Variants in TBC1D22A observed in about 807,000 individuals in gnomAD.
TBC1D22A encodes the protein putative GTPase activator.
TBC1D22A carries 38 observed loss-of-function variants against 60.2 expected under a neutral mutation model. The ratio of observed to expected loss-of-function variants is 0.63; its 90% CI spans 0.49 to 0.83. The LOEUF is 0.83. TBC1D22A is among the 40% of genes least tolerant of loss of function. The pLI is 0.00. For missense variants in TBC1D22A, 628 were observed against 701.0 expected, an observed-to-expected ratio of 0.90 and a Z score of 1.18; for synonymous variants, 302 against 281.7, an observed-to-expected ratio of 1.07 and a Z score of -0.72.
chr22:47,060,258 T>C (rs960542650), intron 11 of TBC1D22A, among the ~76,000 whole-genome samples: 10 of 149,634 alleles, frequency 6.7e-5, no homozygotes, highest in Middle Eastern at 3.4e-3. Flanking sequence ...TTTTTTTTTT[T>C]TGAGATGGAG....
chr22:47,039,675 G>T (rs74853161), intron 11 of TBC1D22A, among the ~76,000 whole-genome samples: 3,147 of 143,458 alleles, frequency 0.022, 109 homozygotes, highest in African/African-American at 0.077. Context: ...CAGGGGTCGC[G>T]TGCTCCCTCA....
intron 12 of TBC1D22A, among the ~76,000 whole-genome samples, chr22:47,165,937 C>CT (rs2068192955): frequency 6.6e-6 from 1 of 152,174 alleles, no homozygotes; most frequent in Admixed American, 6.5e-5. Context: ...CTCCCCGCGT[C>CT]GCATGTCACC....
At chr22:47,015,812 C>T (rs939953408) in intron 10 of TBC1D22A, among the ~76,000 whole-genome samples, 5 of 152,206 alleles carry the variant, frequency 3.3e-5, no homozygotes, top group Middle Eastern at 3.2e-3. Flanking sequence ...TGGAGCATTT[C>T]GGGGTCTTGG....
At chr22:47,161,346 G>C (rs1011909004) in intron 12 of TBC1D22A, among the ~76,000 whole-genome samples, 3 of 152,174 alleles carry the variant, frequency 2.0e-5, no homozygotes, top group African/African-American at 7.2e-5. Flanking sequence ...TGGTATGGGG[G>C]GCACTGGGCT....
chr22:47,139,545 G>T (rs2067002015), intron 12 of TBC1D22A, among the ~76,000 whole-genome samples: 1 of 152,212 alleles, frequency 6.6e-6, no homozygotes, highest in Non-Finnish European at 1.5e-5. Context: ...ACCTCCAGGG[G>T]GCTTTGGGTC....
intron 9 of TBC1D22A, among the ~76,000 whole-genome samples, chr22:46,984,239 C>T (rs12160800): frequency 0.031 from 4,735 of 151,252 alleles, 108 homozygotes; most frequent in South Asian, 0.084. Context: ...TGGTGGCGCG[C>T]GCCTGTAATC....
intron 4 of TBC1D22A, among the ~76,000 whole-genome samples, chr22:46,844,967 G>A (rs1573730): frequency 0.35 from 53,913 of 152,006 alleles, 10,284 homozygotes; most frequent in African/African-American, 0.52. Flanking sequence ...CTCCAACTCT[G>A]GAATTCTCTG....
At chr22:47,124,311 C>T (rs1050375662) in intron 12 of TBC1D22A, among the ~76,000 whole-genome samples, 2 of 152,172 alleles carry the variant, frequency 1.3e-5, no homozygotes, top group African/African-American at 4.8e-5. Context: ...GACCTGGGCT[C>T]AGCTGTGAGG....
rs187009824 is a variant in TBC1D22A, at chr22:47,152,883, C to A, written c.1426-20615C>A. On this transcript the variant is annotated intron_variant, in intron 12 of 12. Coordinates refer to ENST00000337137, the MANE Select transcript of TBC1D22A (RefSeq NM_014346.5). ...CACGGGAAGCTTGCTGGAAGGGAGACCCCCTGAGAGCGTTAGCTGTGGGAG... is the reference window on the plus strand; with the variant it reads ...CACGGGAAGCTTGCTGGAAGGGAGAACCCCTGAGAGCGTTAGCTGTGGGAG... 3.6e-3 allele frequency among the ~76,000 whole-genome samples: 553 copies of A among 152,082 alleles called. 1 individual carries two copies. Among genetic ancestry groups the A allele is most frequent in the Non-Finnish European group, 6.0e-3 (407 of 67,982 alleles).
At chr22:47,128,735 G>T (rs915901245) in intron 12 of TBC1D22A, among the ~76,000 whole-genome samples, 1 of 152,108 alleles carries the variant, frequency 6.6e-6, no homozygotes, top group Admixed American at 6.5e-5. Context: ...TTGACCCAGT[G>T]GCCATGACCG....
intron 11 of TBC1D22A, among the ~76,000 whole-genome samples, chr22:47,050,053 T>C (rs2063158574): frequency 6.6e-6 from 1 of 151,596 alleles, no homozygotes; most frequent in Non-Finnish European, 1.5e-5. Context: ...CCCCCAGGCT[T>C]GAGTGCAGTG....
chr22:47,061,515 C>T (rs914025803), intron 11 of TBC1D22A, among the ~76,000 whole-genome samples: 1 of 152,230 alleles, frequency 6.6e-6, no homozygotes, highest in Non-Finnish European at 1.5e-5. Context: ...AAGCTTCGAG[C>T]GCAGATCCAA....
intron 8 of TBC1D22A, among the ~76,000 whole-genome samples, chr22:46,940,099 A>G: frequency 6.6e-6 from 1 of 152,244 alleles, no homozygotes; most frequent in African/African-American, 2.4e-5. Flanking sequence ...TATGTTTTGT[A>G]CTATACTGTC....
At chr22:46,984,832 T>C (rs552427549) in intron 9 of TBC1D22A, among the ~76,000 whole-genome samples, 15 of 152,202 alleles carry the variant, frequency 9.9e-5, no homozygotes, top group Non-Finnish European at 1.8e-4. Flanking sequence ...TGACTCGGGG[T>C]GGAGTGGACT....
intron 11 of TBC1D22A, among the ~76,000 whole-genome samples, chr22:47,103,115 A>T (rs9615462): frequency 6.6e-6 from 1 of 152,094 alleles, no homozygotes; most frequent in Non-Finnish European, 1.5e-5. Context: ...GCTTCCATGC[A>T]CCCAGCCTGT....
chr22:47,064,051 A>T (rs554006956), intron 11 of TBC1D22A, among the ~76,000 whole-genome samples: 7 of 151,296 alleles, frequency 4.6e-5, no homozygotes, highest in Admixed American at 4.6e-4. Flanking sequence ...GCCTCCTCTG[A>T]ACTGCATCTC....
chr22:46,885,394 A>G (rs901438009), intron 5 of TBC1D22A, among the ~76,000 whole-genome samples: 8 of 152,142 alleles, frequency 5.3e-5, no homozygotes, highest in Non-Finnish European at 2.9e-5. Flanking sequence ...TCGTCTGCAG[A>G]TAGGGACAGT....
intron 12 of TBC1D22A, among the ~76,000 whole-genome samples, chr22:47,126,321 G>A (rs1240157457): frequency 6.6e-6 from 1 of 152,224 alleles, no homozygotes; most frequent in African/African-American, 2.4e-5. Context: ...GCCTTTTCAG[G>A]CCACCAGAAG....
chr22:47,154,198 G>A (rs1027432281), intron 12 of TBC1D22A, among the ~76,000 whole-genome samples: 4 of 152,124 alleles, frequency 2.6e-5, no homozygotes, highest in Non-Finnish European at 5.9e-5. Flanking sequence ...GGAGCAGGGC[G>A]GTCCTGTGTG....
Sources: allele counts gnomAD v4.1 joint callset (sites outside exome capture counted in the v4.1 genomes callset), GRCh38; gene constraint gnomAD v4.1.1; transcripts MANE v1.5; gene names NCBI Gene and HGNC (gene_info 2026-07-23, HGNC 2026-07-21).